Variants in AIM2 observed in about 807,000 individuals in gnomAD.
AIM2 encodes absent in melanoma 2.
A neutral mutation model predicts 27.7 loss-of-function variants in AIM2; 30 were observed. The ratio of observed to expected loss-of-function variants is 1.08; its 90% CI spans 0.81 to 1.47. The LOEUF (loss-of-function observed/expected upper bound fraction) is 1.47. Ranked by LOEUF, AIM2 falls within the 40% of genes most tolerant of loss-of-function variation. The pLI is 0.00. For synonymous variants in AIM2, 141 were observed against 145.3 expected, an observed-to-expected ratio of 0.97 and a Z score of 0.21; for missense variants, 358 against 411.3, an observed-to-expected ratio of 0.87 and a Z score of 1.12.
chr1:159,071,414 A>G (rs1656359633), intron 2 of AIM2, among the ~76,000 whole-genome samples: 1 of 152,268 alleles, frequency 6.6e-6, no homozygotes, highest in Non-Finnish European at 1.5e-5. Context: ...TCCTACATTC[A>G]AAAGCGGCCT....
chr1:159,136,168 T>A (rs1012598554), intron 1 of AIM2, among the ~76,000 whole-genome samples: 3 of 152,182 alleles, frequency 2.0e-5, no homozygotes, highest in Non-Finnish European at 2.9e-5. Context: ...ATGTCTTGAC[T>A]TCCACTAGGA....
At chr1:159,074,027 G>C (rs1220314927) in intron 1 of AIM2, among the ~76,000 whole-genome samples, 2 of 151,974 alleles carry the variant, frequency 1.3e-5, no homozygotes, top group Admixed American at 1.3e-4. Context: ...CAACAGGAGC[G>C]AAACTTCATC....
chr1:159,097,865 C>T (rs1236651811), intron 1 of AIM2, among the ~76,000 whole-genome samples: 2 of 152,144 alleles, frequency 1.3e-5, no homozygotes, highest in South Asian at 2.1e-4. Context: ...AACCACTCAA[C>T]CACAAAGGAG....
chr1:159,113,411 T>C (rs1265976639), intron 1 of AIM2, among the ~76,000 whole-genome samples: 3 of 152,212 alleles, frequency 2.0e-5, no homozygotes, highest in African/African-American at 7.2e-5. Flanking sequence ...ACCTAGAAAG[T>C]TATAATTCCT....
downstream of AIM2, among the ~76,000 whole-genome samples, chr1:159,060,800 A>T (rs960004653): frequency 4.6e-5 from 7 of 152,208 alleles, no homozygotes; most frequent in African/African-American, 1.7e-4. Context: ...CAGGTGAGGG[A>T]TAATCGAGTT....
chr1:159,116,165 C>T (rs11265141), intron 1 of AIM2, among the ~76,000 whole-genome samples: 148,012 of 150,756 alleles, frequency 0.98, 72,709 homozygotes, highest in Middle Eastern at 1. Context: ...ATGGCAATCA[C>T]TAAAAATTCA....
chr1:159,078,269 T>C (rs995677178), upstream of AIM2, among the ~76,000 whole-genome samples: 2 of 152,214 alleles, frequency 1.3e-5, no homozygotes, highest in Non-Finnish European at 2.9e-5. Context: ...GTAAGGCACA[T>C]GAGGGAAGAG....
chr1:159,108,959 C>T (rs1657510332), intron 1 of AIM2, among the ~76,000 whole-genome samples: 1 of 152,222 alleles, frequency 6.6e-6, no homozygotes, highest in South Asian at 2.1e-4. Context: ...GTGAAAATGA[C>T]CATGCTGCCA....
chr1:159,093,113 C>A (rs988175069), intron 1 of AIM2, among the ~76,000 whole-genome samples: 1 of 151,932 alleles, frequency 6.6e-6, no homozygotes, highest in South Asian at 2.1e-4. Flanking sequence ...AAATCTTAAC[C>A]CCATACCATT....
chr1:159,139,168 G>A (rs1373590485), intron 1 of AIM2, among the ~76,000 whole-genome samples: 4 of 152,176 alleles, frequency 2.6e-5, no homozygotes, highest in Non-Finnish European at 5.9e-5. Flanking sequence ...TCCCTTGAGT[G>A]GGGTAGCCAG....
At chr1:159,117,194 A>T (rs1647380239) in intron 1 of AIM2, among the ~76,000 whole-genome samples, 1 of 152,162 alleles carries the variant, frequency 6.6e-6, no homozygotes, top group Admixed American at 6.6e-5. Context: ...TATTTTAAAA[A>T]CGGAGGAGAC....
intron 1 of AIM2, among the ~76,000 whole-genome samples, 181 bp downstream of exon 1, chr1:159,076,452 G>A (rs1038337611): frequency 1.3e-5 from 2 of 152,188 alleles, no homozygotes; most frequent in Admixed American, 1.3e-4. Flanking sequence ...AGAGACACCA[G>A]AGGACATGGC....
chr1:159,064,362 G>A (rs1655984092), intron 4 of AIM2, among the ~76,000 whole-genome samples: 1 of 152,232 alleles, frequency 6.6e-6, no homozygotes, highest in Non-Finnish European at 1.5e-5. Context: ...GTGGCCCATA[G>A]AAGCAACAAC....
At chr1:159,118,632 A>G (rs1647448580) in intron 1 of AIM2, among the ~76,000 whole-genome samples, 1 of 152,186 alleles carries the variant, frequency 6.6e-6, no homozygotes, top group Non-Finnish European at 1.5e-5. Flanking sequence ...ATATTAGCAA[A>G]TATTCTATTT....
rs1221442321 is a variant in AIM2, at chr1:159,093,658, C to A, written c.-15-27329G>T. On this transcript the variant is annotated intron_variant, in intron 1 of 2. Coordinates refer to the AIM2 transcript ENST00000368129. ...TGACATAATGAAGATCAGCAAGTTACAGAGGAATGTATATAACATTTTATT... is the reference window on the plus strand; with the variant it reads ...TGACATAATGAAGATCAGCAAGTTAAAGAGGAATGTATATAACATTTTATT... Among the ~76,000 whole-genome samples the A allele has an allele frequency of 2.0e-5, 3 of 151,510 alleles. No individual in the cohort carries two copies. The East Asian group carries it at 5.8e-4, about 29-fold the overall frequency.
rs756059260 is a variant in AIM2 at position 159,073,250 on chromosome 1, C to T, written c.250G>A (p.Glu84Lys). Residue 84 changes from glutamate (E) to lysine (K), a missense_variant, in exon 2 of 6, where the codon GAG becomes AAG. By Grantham distance (56) the Glu-to-Lys change is moderately conservative. Transcript: ENST00000368130. ...ACTCCCACATTACCTTTCTCCTTCT[C>T]CTCCTGAAGACGTTTTGCCAAAAGC... ...YMLLAKRLQE[E>K]KEKVDKQYKS... 1.2e-6 allele frequency: 2 copies of T among 1,614,108 alleles called. No homozygotes were observed. The highest frequency in any genetic ancestry group is 1.7e-6 in the Non-Finnish European group (2 of 1,179,972).
At chr1:159,063,249 G>T (rs1655917870) in intron 5 of AIM2, among the ~76,000 whole-genome samples, 1 of 152,024 alleles carries the variant, frequency 6.6e-6, no homozygotes, top group African/African-American at 2.4e-5. Flanking sequence ...CTCTTTTTTG[G>T]GCTCTGTGGG....
chr1:159,117,080 G>A (rs1319970669), intron 1 of AIM2, among the ~76,000 whole-genome samples: 1 of 152,164 alleles, frequency 6.6e-6, no homozygotes, highest in East Asian at 1.9e-4. Flanking sequence ...GCCAGAAAAT[G>A]GCAATAGCTT....
Position 159,072,252 on chromosome 1 carries a change from T to C in AIM2, c.262+986A>G, listed in dbSNP as rs113179369. On this transcript the variant is annotated intron_variant, in intron 2 of 5. Transcript: ENST00000368130. ...CCACCACTCCTTTCTCTTTAGTGCC[T>C]TAGAAACTACCTAACAGTTTATATC... 2.5e-3 allele frequency among the ~76,000 whole-genome samples: 383 copies of C among 152,312 alleles called. 1 individual carries two copies. Among genetic ancestry groups the C allele is most frequent in the African/African-American group, 8.9e-3 (369 of 41,570 alleles).
Sources: allele counts gnomAD v4.1 joint callset (sites outside exome capture counted in the v4.1 genomes callset), GRCh38; gene constraint gnomAD v4.1.1; transcripts MANE v1.5; gene names NCBI Gene and HGNC (gene_info 2026-07-23, HGNC 2026-07-21).